The following PYY variants were observed in gnomAD, a reference collection of about 807,000 sequenced individuals.
PYY encodes peptide YY.
In PYY, 12 loss-of-function variants were observed where a neutral mutation model predicts 10.3. The observed-to-expected ratio is 1.17, with a 90% CI of 0.75 to 1.89. The LOEUF (loss-of-function observed/expected upper bound fraction) is 1.89. Among genes scored for constraint, PYY ranks in the 40% most tolerant of loss-of-function variants. The pLI is 0.00. For missense variants in PYY, 141 were observed against 134.0 expected (o/e 1.05, Z -0.26); for synonymous variants, 66 against 62.0 (o/e 1.06, Z -0.30).
At position 43,964,486 on chromosome 17, in the gene PYY, G is replaced by C. The variant is rs112193880; in HGVS notation, c.-218+1802C>G. Among the ~76,000 whole-genome samples the C allele has an allele frequency of 1.5e-3, 226 of 152,320 alleles. 2 individuals are homozygous for C. Among genetic ancestry groups the C allele is most frequent in the Non-Finnish European group, 2.6e-3 (176 of 68,024 alleles). On this transcript the variant is annotated intron_variant, in intron 2 of 6. Transcript: ENST00000360085. ...CTAATGCTGGCTGGATGCGGTGGCT[G>C]ACGCCTGTAACCCCAGCACTTTGGG...
At chr17:43,967,943 TA>T (rs2048765747) in intron 1 of PYY, among the ~76,000 whole-genome samples, 1 of 152,174 alleles carries the variant, frequency 6.6e-6, no homozygotes, top group Admixed American at 6.5e-5. Flanking sequence ...AGGGAAGGTC[TA>T]GCACTGAGAG....
rs2048921475 is a variant in PYY at position 43,987,194 on chromosome 17, C to T, written c.-463+17197G>A. 6.6e-6 allele frequency among the ~76,000 whole-genome samples: 1 copy of T among 152,152 alleles called. No homozygotes were observed. Among genetic ancestry groups the T allele is most frequent in the African/African-American group, 2.4e-5 (1 of 41,440 alleles). ...TCAGACTGGGCAGAGCTCTCCCCTC[C>T]CTTGCCCTTATTAATTGCACCTGGA... is the stretch of plus-strand genomic sequence containing the variant. On this transcript the variant is annotated intron_variant, in intron 1 of 6. Transcript: ENST00000360085. This position sits in a 1 kb window ranked among gnomAD's most constrained non-coding sequence, Gnocchi z 4.0.
intron 1 of PYY, among the ~76,000 whole-genome samples, chr17:43,978,073 G>A (rs2048859981): frequency 6.6e-6 from 1 of 151,290 alleles, no homozygotes; most frequent in Non-Finnish European, 1.5e-5. Context: ...GCACGCACCT[G>A]TAATCTACAC....
chr17:44,000,274 G>A (rs1391647227), intron 1 of PYY, among the ~76,000 whole-genome samples: 1 of 152,198 alleles, frequency 6.6e-6, no homozygotes, highest in Non-Finnish European at 1.5e-5. Flanking sequence ...GCAGGCACAG[G>A]ATAGATGGAA....
chr17:43,965,480 C>CTCACAAAAAAAAAAA (rs2048748061), intron 2 of PYY, among the ~76,000 whole-genome samples: 1 of 89,494 alleles, frequency 1.1e-5, no homozygotes, highest in African/African-American at 4.1e-5. Flanking sequence ...GACTCCGTAT[C>CTCACAAAAAAAAAAA]AAAAAAAAAA....
chr17:43,953,705 A>AC (rs1430849675), intron 1 of PYY, 145 bp downstream of exon 1: 6 of 308,088 alleles, frequency 1.9e-5, no homozygotes, highest in Non-Finnish European at 3.2e-5. Flanking sequence ...CCCCACCCCC[A>AC]CCCCCGCTGC....
chr17:43,983,841 TC>T (rs2048898342), intron 1 of PYY, among the ~76,000 whole-genome samples: 1 of 152,068 alleles, frequency 6.6e-6, no homozygotes, highest in Non-Finnish European at 1.5e-5. Context: ...CCCACCGGCC[TC>T]CCCGGGTCCT....
chr17:43,955,758 T>C (rs972245851), upstream of PYY, among the ~76,000 whole-genome samples: 3 of 152,006 alleles, frequency 2.0e-5, no homozygotes, highest in Non-Finnish European at 2.9e-5. Flanking sequence ...CTTTGTCCTG[T>C]TTGGAGGGGA....
intron 1 of PYY, among the ~76,000 whole-genome samples, chr17:43,971,667 G>A (rs1398824491): frequency 2.7e-5 from 4 of 145,842 alleles, no homozygotes; most frequent in Admixed American, 6.8e-5. Context: ...TTGGTGCAGT[G>A]TCTGTTCATG....
intron 1 of PYY, among the ~76,000 whole-genome samples, chr17:44,000,646 G>A (rs1193583960): frequency 7.5e-5 from 11 of 147,216 alleles, no homozygotes; most frequent in South Asian, 2.2e-4. Flanking sequence ...GGCTCACCGC[G>A]ACCTCCACCT....
intron 1 of PYY, among the ~76,000 whole-genome samples, chr17:43,975,483 G>T (rs1299276451): frequency 2.0e-5 from 3 of 151,808 alleles, no homozygotes; most frequent in Non-Finnish European, 4.4e-5. Flanking sequence ...CAAGTTGGGC[G>T]GATTGCTTGA....
chr17:43,967,908 G>A (rs2048765409), intron 1 of PYY, among the ~76,000 whole-genome samples: 1 of 152,156 alleles, frequency 6.6e-6, no homozygotes, highest in South Asian at 2.1e-4. Flanking sequence ...CAGGAGAAAT[G>A]CTCGTTCTGC....
chr17:43,984,367 G>A (rs1202815929), intron 1 of PYY, among the ~76,000 whole-genome samples: 3 of 152,196 alleles, frequency 2.0e-5, no homozygotes, highest in African/African-American at 7.2e-5. Flanking sequence ...GAGGCTCCTC[G>A]GGAATTCCTA....
chr17:43,970,678 C>G (rs1216266673), intron 1 of PYY, among the ~76,000 whole-genome samples: 1 of 152,152 alleles, frequency 6.6e-6, no homozygotes, highest in Non-Finnish European at 1.5e-5. Flanking sequence ...CCAGCATAGT[C>G]AGGACACAGA....
intron 1 of PYY, among the ~76,000 whole-genome samples, chr17:43,985,100 C>T (rs2048907623): frequency 6.6e-6 from 1 of 152,104 alleles, no homozygotes; most frequent in Non-Finnish European, 1.5e-5. Context: ...ATTAAGAAAA[C>T]ATATTCACAA....
chr17:43,976,443 G>A (rs1213136568), intron 1 of PYY, among the ~76,000 whole-genome samples: 1 of 143,928 alleles, frequency 6.9e-6, no homozygotes, highest in African/African-American at 2.6e-5. Context: ...ACATATACAT[G>A]TATACATATA....
chr17:43,972,539 AT>A (rs11413544), intron 1 of PYY, among the ~76,000 whole-genome samples: 1 of 147,672 alleles, frequency 6.8e-6, no homozygotes, highest in African/African-American at 2.5e-5. Flanking sequence ...TTTAAAAAAC[AT>A]TTTTTTTTTT....
chr17:43,977,371 G>A (rs918242), intron 1 of PYY, among the ~76,000 whole-genome samples: 85,771 of 151,788 alleles, frequency 0.57, 25,812 homozygotes, highest in South Asian at 0.71. Flanking sequence ...CCACCTTTCC[G>A]CCACCTCCCA....
At chr17:43,958,135 C>CAAAAAAAAAAAAAGAAAAAAAAAAAAAA (rs2048687188), upstream of PYY, 1 of 47,276 alleles carries the variant, frequency 2.1e-5, no homozygotes, top group Non-Finnish European at 3.7e-5. Context: ...CTGAATACAC[C>CAAAAAAAAAAAAAGAAAAAAAAAAAAAA]AAAAAAAAAA....
Sources: gnomAD v4.1 joint callset for allele counts (sites outside exome capture counted in the v4.1 genomes callset) on GRCh38, gnomAD v4.1.1 for gene constraint, Gnocchi (gnomAD v3.1) non-coding constraint, MANE v1.5 for transcripts, NCBI Gene and HGNC (gene_info 2026-07-23, HGNC 2026-07-21) for gene names.